PLEKHG7: variants seen among roughly 807,000 people sequenced by gnomAD.
PLEKHG7 encodes pleckstrin homology and RhoGEF domain containing G7, also known as pleckstrin homology domain-containing family G member 7.
PLEKHG7 carries 77 observed loss-of-function variants against 85.2 expected under a neutral mutation model. That is an observed-to-expected ratio of 0.90 (90% CI 0.75 to 1.09). The LOEUF (loss-of-function observed/expected upper bound fraction) is 1.09, where lower values mean the gene tolerates loss of function less well. Among genes scored for constraint, PLEKHG7 ranks in the 50% least tolerant of loss-of-function variants. The pLI, the probability that PLEKHG7 is intolerant of heterozygous loss-of-function variation, is 0.00. For synonymous variants in PLEKHG7, 301 were observed against 302.4 expected (o/e 1.00, Z 0.05); for missense variants, 777 against 804.3 (o/e 0.97, Z 0.41).
chr12:92,707,495 G>C, intron 2 of PLEKHG7, 155 bp from the exon 3 acceptor site: 1 of 1,460,390 alleles, frequency 6.8e-7, no homozygotes, highest in Non-Finnish European at 9.0e-7. Context: ...TTTAAAAGGG[G>C]AGAAAGAGCC....
chr12:92,750,681 C>T (rs1473588574), intron 10 of PLEKHG7, among the ~76,000 whole-genome samples: 2 of 152,154 alleles, frequency 1.3e-5, no homozygotes, highest in Non-Finnish European at 2.9e-5. Context: ...AGCACTGGAA[C>T]GCTGCTGCCC....
intron 3 of PLEKHG7, among the ~76,000 whole-genome samples, chr12:92,712,213 G>A (rs1227613897): frequency 7.2e-5 from 11 of 152,302 alleles, no homozygotes; most frequent in African/African-American, 1.7e-4. Flanking sequence ...GATATCTTGC[G>A]GAGGCGAAAA....
chr12:92,725,273 G>A (rs1006046950), intron 3 of PLEKHG7, among the ~76,000 whole-genome samples: 2 of 152,160 alleles, frequency 1.3e-5, no homozygotes, highest in African/African-American at 2.4e-5. Flanking sequence ...AGATCAAATT[G>A]CAAAGTAAGG....
chr12:92,724,859 T>C (rs117268776), intron 3 of PLEKHG7, among the ~76,000 whole-genome samples: 41 of 152,132 alleles, frequency 2.7e-4, no homozygotes, highest in Non-Finnish European at 5.3e-4. Flanking sequence ...CCTCAGCACA[T>C]ACCATCCCAG....
In PLEKHG7 at chr12:92,745,513, C is replaced by T; in HGVS notation, c.1173C>T (p.Thr391=). The T allele has an allele frequency of 1.1e-5, 18 of 1,613,924 alleles. No individual in the cohort carries two copies. Among genetic ancestry groups the T allele is most frequent in the Non-Finnish European group, 1.4e-5 (16 of 1,179,820 alleles). Residue 391 remains threonine, a synonymous_variant, in exon 10 of 17, where the codon ACC becomes ACT. Coordinates refer to ENST00000344636, the MANE Select transcript of PLEKHG7 (RefSeq NM_001377329.1). The part of the protein sequence containing the change: ...FRGSLCQSHQ[T]YCLNYSAAIF... ...GGAGTCTCTGTCAGAGCCACCAGAC[C>T]TACTGCCTGAACTATTCAGCTGCTA...
chr12:92,737,376 A>G lies in PLEKHG7; in HGVS notation c.796-2A>G, dbSNP rs980234200. On this transcript the variant is annotated splice_acceptor_variant, in intron 6 of 16. Coordinates refer to ENST00000344636, the MANE Select transcript of PLEKHG7 (RefSeq NM_001377329.1). LOFTEE classifies it high-confidence loss of function. ...TGTTCTCTCTTTTTCCCTCATGTACAGGATAAGACCTGGGATGAAGTCTTG... is the reference window on the plus strand; with the variant it reads ...TGTTCTCTCTTTTTCCCTCATGTACGGGATAAGACCTGGGATGAAGTCTTG... 60 of 1,452,898 alleles carry G rather than the reference A, an allele frequency of 4.1e-5. No homozygotes were observed. Among genetic ancestry groups the G allele is most frequent in the African/African-American group, 2.8e-4 (19 of 69,084 alleles). 90.0% of individuals were successfully genotyped at this position (1,452,898 alleles called of 1,614,324 possible).
chr12:92,706,359 C>T (rs969600938), intron 1 of PLEKHG7, 112 bp from the exon 2 acceptor site: 5 of 378,490 alleles, frequency 1.3e-5, no homozygotes, highest in African/African-American at 1.0e-4. Flanking sequence ...GTGAACTGAG[C>T]TCTATTGCCT....
At chr12:92,736,870 T>C (rs1872165991) in intron 6 of PLEKHG7, among the ~76,000 whole-genome samples, 1 of 152,206 alleles carries the variant, frequency 6.6e-6, no homozygotes, top group Admixed American at 6.5e-5. Context: ...TCTCTGGGCC[T>C]GGATTTCCTC....
chr12:92,735,455 G>A (rs1225514461), intron 5 of PLEKHG7, among the ~76,000 whole-genome samples: 1 of 152,100 alleles, frequency 6.6e-6, no homozygotes, highest in East Asian at 1.9e-4. Flanking sequence ...GCCTTCTCTT[G>A]CTCCTGAAAA....
At chr12:92,744,112 A>G (rs889039863) in intron 9 of PLEKHG7, among the ~76,000 whole-genome samples, 61 of 152,198 alleles carry the variant, frequency 4.0e-4, no homozygotes, top group African/African-American at 1.4e-3. Context: ...TCTAGGTTTC[A>G]CCATCTCTGA....
At chr12:92,712,578 C>T (rs1871385397) in intron 3 of PLEKHG7, among the ~76,000 whole-genome samples, 1 of 152,156 alleles carries the variant, frequency 6.6e-6, no homozygotes, top group Non-Finnish European at 1.5e-5. Flanking sequence ...AATCACCACC[C>T]CTGCGTCTTT....
At chr12:92,753,095 A>G (rs1320454244) in intron 10 of PLEKHG7, among the ~76,000 whole-genome samples, 5 of 152,202 alleles carry the variant, frequency 3.3e-5, no homozygotes, top group Admixed American at 2.6e-4. Flanking sequence ...TTTTGGCGTT[A>G]AAAGTAATAT....
chr12:92,720,866 TA>T (rs1871621093), intron 3 of PLEKHG7, among the ~76,000 whole-genome samples: 1 of 152,220 alleles, frequency 6.6e-6, no homozygotes, highest in South Asian at 2.1e-4. Context: ...CACATCATTT[TA>T]AAAGTTTTGT....
At chr12:92,752,893 T>C (rs565369149) in intron 10 of PLEKHG7, among the ~76,000 whole-genome samples, 2 of 152,234 alleles carry the variant, frequency 1.3e-5, no homozygotes, top group Admixed American at 1.3e-4. Flanking sequence ...TGCAGACAGC[T>C]GTCTTCTCGC....
chr12:92,756,051 A>G, intron 12 of PLEKHG7, 111 bp downstream of exon 12: 1 of 799,086 alleles, frequency 1.3e-6, no homozygotes, highest in Non-Finnish European at 2.0e-6. Flanking sequence ...GAATAAATCT[A>G]GTTTCATGAA....
intron 15 of PLEKHG7, among the ~76,000 whole-genome samples, chr12:92,764,483 T>G (rs11837920): frequency 0.018 from 2,669 of 152,232 alleles, 83 homozygotes; most frequent in African/African-American, 0.06. Flanking sequence ...CTGTGAAAAT[T>G]AAATAACAAA....
At chr12:92,726,577 C>T (rs543310821) in intron 3 of PLEKHG7, among the ~76,000 whole-genome samples, 18 of 152,278 alleles carry the variant, frequency 1.2e-4, no homozygotes, top group Middle Eastern at 3.4e-3. Context: ...CCCTACAGTT[C>T]CATGTTATTA....
intron 1 of PLEKHG7, among the ~76,000 whole-genome samples, chr12:92,705,957 T>G (rs61016923): frequency 0.016 from 2,441 of 152,312 alleles, 68 homozygotes; most frequent in African/African-American, 0.054. Context: ...ATGTAAAGAT[T>G]GATAGAATCT....
intron 13 of PLEKHG7, 121 bp from the exon 14 acceptor site, chr12:92,761,631 A>AAAGAAAGG (rs1555196587): frequency 3.0e-4 from 47 of 155,468 alleles, no homozygotes; most frequent in Middle Eastern, 2.2e-3. Flanking sequence ...AAGAAGAAAG[A>AAAGAAAGG]AAGAAAGAAA....
Sources: gnomAD v4.1 joint callset for allele counts (sites outside exome capture counted in the v4.1 genomes callset) on GRCh38, gnomAD v4.1.1 for gene constraint, MANE v1.5 for transcripts, NCBI Gene and HGNC (gene_info 2026-07-23, HGNC 2026-07-21) for gene names.